The following DPP8 variants were observed in gnomAD, a reference collection of about 807,000 sequenced individuals.
DPP8 encodes DPP VIII.
In DPP8, 31 loss-of-function variants were observed where a neutral mutation model predicts 107.5. The observed-to-expected ratio is 0.29, with a 90% CI of 0.22 to 0.39. The LOEUF (loss-of-function observed/expected upper bound fraction) is 0.39, where lower values mean the gene tolerates loss of function less well. DPP8 is among the 10% of genes least tolerant of loss of function. The pLI, the probability that DPP8 is intolerant of heterozygous loss-of-function variation, is 1.00. For synonymous variants in DPP8, 381 were observed against 356.6 expected, an observed-to-expected ratio of 1.07 and a Z score of -0.77; for missense variants, 842 against 1,076.1, an observed-to-expected ratio of 0.78 and a Z score of 3.04.
intron 2 of DPP8, among the ~76,000 whole-genome samples, chr15:65,508,964 G>A (rs981340838): frequency 6.6e-6 from 1 of 152,142 alleles, no homozygotes; most frequent in African/African-American, 2.4e-5. Flanking sequence ...CTCAACCTAT[G>A]TTTCTGAATT....
Position 65,494,325 on chromosome 15 carries a change from C to T in DPP8, c.715+3539G>A, listed in dbSNP as rs909745348. ...GACTATCCATGCTCAAGTGATCCTC[C>T]TACCTCGGCTCCCAGAGTAACTGAG... On this transcript the variant is annotated intron_variant, in intron 5 of 19. Coordinates refer to ENST00000300141, the MANE Select transcript of DPP8 (RefSeq NM_130434.5). 2.6e-4 allele frequency among the ~76,000 whole-genome samples: 39 copies of T among 151,782 alleles called. 1 individual carries two copies. The highest frequency in any genetic ancestry group is 9.4e-4 in the African/African-American group (39 of 41,290).
intron 15 of DPP8, among the ~76,000 whole-genome samples, chr15:65,461,066 A>G (rs2064878694): frequency 1.3e-5 from 2 of 152,158 alleles, no homozygotes; most frequent in Non-Finnish European, 2.9e-5. Flanking sequence ...TTTGATTTGC[A>G]TTTCCCTAAT....
intron 4 of DPP8, among the ~76,000 whole-genome samples, chr15:65,499,812 C>T (rs1031567185): frequency 6.6e-6 from 1 of 152,152 alleles, no homozygotes; most frequent in Non-Finnish European, 1.5e-5. Context: ...ATGATCTGCC[C>T]ACATGGGCCT....
At position 65,444,617 on chromosome 15, in the gene DPP8, A is replaced by G. The variant is rs965203210; in HGVS notation, c.*2267T>C. On this transcript the variant is annotated 3_prime_UTR_variant, in exon 20 of 20. Coordinates refer to ENST00000300141, the MANE Select transcript of DPP8 (RefSeq NM_130434.5). ...TATTTTTTCCTGCTAAAGAAGCAGA[A>G]TGGCATTTAAGTGACTGGGAGTGAT... 1.3e-5 allele frequency: 2 copies of G among 152,220 alleles called. No homozygotes were observed. The highest frequency in any genetic ancestry group is 2.4e-5 in the African/African-American group (1 of 41,464). 9.4% of individuals were successfully genotyped at this position (152,220 alleles called of 1,614,324 possible).
At chr15:65,509,733 A>G (rs2070518572) in intron 2 of DPP8, among the ~76,000 whole-genome samples, 2 of 152,192 alleles carry the variant, frequency 1.3e-5, no homozygotes, top group South Asian at 4.1e-4. Flanking sequence ...AAAAGAAAAG[A>G]TTTCTGGCCA....
At position 65,451,970 on chromosome 15, in the gene DPP8, A is replaced by G. The variant is rs952992317; in HGVS notation, c.2404T>C (p.Phe802Leu). The G allele has an allele frequency of 6.3e-7, 1 of 1,594,250 alleles. No homozygotes were observed. Among genetic ancestry groups the G allele is most frequent in the Non-Finnish European group, 8.5e-7 (1 of 1,174,016 alleles). Residue 802 changes from phenylalanine to leucine, a missense_variant, in exon 18 of 20, where the codon TTC becomes CTC. Physicochemically the swap from Phe to Leu is conservative, Grantham distance 22 (BLOSUM62 0). Around this residue, in one of 2 missense-constraint regions of DPP8, gnomAD observed 179 missense variants for 318.0 expected, o/e 0.56. Coordinates refer to ENST00000300141, the MANE Select transcript of DPP8 (RefSeq NM_130434.5). ...LGSVAMQAEK[F>L]PSEPNRLLLL... ...AAAGCTTGCACTTACTCAGAGGGGA[A>G]CTTTTCTGCTTGCATGGCCACAGAT...
rs528334464 is a variant in DPP8 at position 65,444,579 on chromosome 15, G to T, written c.*2305C>A. Reference sequence around the variant, plus strand: ...TCAGTCAAACTGTCTTTCTGTAAGAGAATTCATTCAGGTATTTTTTCCTGC... The same window carrying T: ...TCAGTCAAACTGTCTTTCTGTAAGATAATTCATTCAGGTATTTTTTCCTGC... On this transcript the variant is annotated 3_prime_UTR_variant, in exon 20 of 20. Coordinates refer to ENST00000300141, the MANE Select transcript of DPP8 (RefSeq NM_130434.5). 1.3e-5 allele frequency: 2 copies of T among 152,154 alleles called. No homozygotes were observed. Among genetic ancestry groups the T allele is most frequent in the African/African-American group, 4.8e-5 (2 of 41,434 alleles). The allele number at this position is 152,154 out of a possible 1,614,324, so 9.4% of individuals were successfully genotyped here.
chr15:65,504,736 C>CT (rs1183612704), intron 3 of DPP8, among the ~76,000 whole-genome samples: 1 of 150,684 alleles, frequency 6.6e-6, no homozygotes, highest in Non-Finnish European at 1.5e-5. Context: ...TATCCTAGCA[C>CT]TTTGGAAGGT....
chr15:65,448,863 AAAATATAT>A (rs1181935099), intron 19 of DPP8, among the ~76,000 whole-genome samples: 1 of 84,014 alleles, frequency 1.2e-5, no homozygotes, highest in African/African-American at 4.4e-5. Context: ...ATATATATCT[AAAATATAT>A]ATATATATAT....
At chr15:65,488,368 C>T (rs565268384) in intron 6 of DPP8, among the ~76,000 whole-genome samples, 2 of 151,902 alleles carry the variant, frequency 1.3e-5, no homozygotes, top group South Asian at 2.1e-4. Flanking sequence ...AATCTGTTAA[C>T]GGGTCATAAT....
At chr15:65,460,734 T>C (rs746754913) in intron 15 of DPP8, among the ~76,000 whole-genome samples, 12 of 152,236 alleles carry the variant, frequency 7.9e-5, no homozygotes, top group Non-Finnish European at 1.5e-4. Context: ...CATTCATCTG[T>C]TGATGGACAC....
At chr15:65,480,969 T>C (rs1168297288) in intron 9 of DPP8, among the ~76,000 whole-genome samples, 1 of 151,784 alleles carries the variant, frequency 6.6e-6, no homozygotes. Flanking sequence ...TGGTGGCATG[T>C]CCCCGTAGTC....
At chr15:65,476,520 C>T (rs1445374287) in intron 11 of DPP8, among the ~76,000 whole-genome samples, 2 of 151,986 alleles carry the variant, frequency 1.3e-5, no homozygotes, top group East Asian at 1.9e-4. Flanking sequence ...AACTATCATC[C>T]GAACGTAGAC....
rs770716866 is a variant in DPP8 at position 65,481,518 on chromosome 15, T to C, written c.1115A>G (p.Lys372Arg). ...IARAGWTPEG[K>R]YAWSILLDRS... The stretch of plus-strand genomic sequence containing the variant: ...AGTAACAATTTAACATACGCACTAT[T>C]TTCCCTCAGGAGTCCATCCAGCTCT... Residue 372 changes from lysine (K) to arginine (R), a missense_variant, in exon 9 of 20, where the codon AAA becomes AGA. By Grantham distance (26) the Lys-to-Arg change is conservative. Coordinates refer to ENST00000300141, the MANE Select transcript of DPP8 (RefSeq NM_130434.5). 1 of 1,563,022 alleles carries C rather than the reference T, an allele frequency of 6.4e-7. No homozygotes were observed. Among genetic ancestry groups the C allele is most frequent in the Non-Finnish European group, 8.7e-7 (1 of 1,151,320 alleles).
intron 14 of DPP8, among the ~76,000 whole-genome samples, chr15:65,466,022 C>T (rs1232116757): frequency 1.3e-5 from 2 of 152,182 alleles, no homozygotes; most frequent in Non-Finnish European, 2.9e-5. Context: ...AGCTTCCTTG[C>T]TCAAAGAGTC....
At chr15:65,503,955 T>G (rs143050071) in intron 3 of DPP8, among the ~76,000 whole-genome samples, 7,326 of 151,046 alleles carry the variant, frequency 0.049, 593 homozygotes, top group African/African-American at 0.17. Context: ...AGAGATGAGG[T>G]TTCACCATGT....
chr15:65,452,223 C>T (rs915523975), intron 17 of DPP8, 121 bp from the exon 18 acceptor site: 12 of 1,130,068 alleles, frequency 1.1e-5, no homozygotes, highest in African/African-American at 1.6e-5. Context: ...TTACTACTGG[C>T]GCATACATGT....
At chr15:65,449,221 A>C (rs1398468354) in intron 19 of DPP8, among the ~76,000 whole-genome samples, 3 of 146,194 alleles carry the variant, frequency 2.1e-5, no homozygotes, top group African/African-American at 7.4e-5. Context: ...AAAAGAAAAA[A>C]AATAAAAATA....
rs542314824 is a variant in DPP8 at position 65,494,149 on chromosome 15, C to CTTTTTTTTTTTTTTTTTTTTT, written c.715+3714_715+3715insAAAAAAAAAAAAAAAAAAAAA. 4.0e-4 allele frequency among the ~76,000 whole-genome samples: 49 copies of CTTTTTTTTTTTTTTTTTTTTT among 123,254 alleles called. 3 individuals are homozygous for CTTTTTTTTTTTTTTTTTTTTT. The highest frequency in any genetic ancestry group is 1.6e-3 in the African/African-American group (47 of 29,420). The allele number at this position is 123,254 out of a possible 152,430, so 80.9% of individuals were successfully genotyped here. A position where few individuals can be genotyped will look rare whatever the true frequency, so the allele number is the denominator to read the frequency against. On this transcript the variant is annotated intron_variant, in intron 5 of 19. Transcript: ENST00000300141. Reference sequence around the variant, plus strand: ...TTGAAATTCAAACCGGTTCTATATCCTTTTTTTTTTTTTTAGAGACAGGGT... The same window carrying CTTTTTTTTTTTTTTTTTTTTT: ...TTGAAATTCAAACCGGTTCTATATCCTTTTTTTTTTTTTTTTTTTTTTTTTTTTTTTTTTTAGAGACAGGGT...
Sources: allele counts gnomAD v4.1 joint callset (sites outside exome capture counted in the v4.1 genomes callset), GRCh38; gene constraint gnomAD v4.1.1; regional missense constraint gnomAD v4.1.1; transcripts MANE v1.5; gene names NCBI Gene and HGNC (gene_info 2026-07-23, HGNC 2026-07-21).